The following TOP1MT variants were observed in gnomAD, a reference collection of about 807,000 sequenced individuals.
TOP1MT encodes the protein DNA topoisomerase I, mitochondrial.
Under a neutral mutation model 73.9 loss-of-function variants are expected in TOP1MT, and 80 were observed. That is an observed-to-expected ratio of 1.08 (90% CI 0.90 to 1.30). The LOEUF (loss-of-function observed/expected upper bound fraction) is 1.30. Ranked by LOEUF, TOP1MT falls within the 50% of genes most tolerant of loss-of-function variation. The probability of loss-of-function intolerance (pLI) is 0.00; values close to 1 mark genes in which losing one functional copy is unlikely to be tolerated. For synonymous variants in TOP1MT, 338 were observed against 326.4 expected (o/e 1.04, Z -0.38); for missense variants, 815 against 808.0 (o/e 1.01, Z -0.10).
chr8:143,316,407 C>T (rs1488944745), intron 10 of TOP1MT, among the ~76,000 whole-genome samples: 3 of 152,138 alleles, frequency 2.0e-5, no homozygotes, highest in Non-Finnish European at 2.9e-5. Context: ...GAGGCCCAGC[C>T]GCCTGGACGG....
At chr8:143,326,914 G>A (rs550305912) in intron 3 of TOP1MT, among the ~76,000 whole-genome samples, 5 of 152,304 alleles carry the variant, frequency 3.3e-5, no homozygotes, top group South Asian at 2.1e-4. Context: ...AGCATTTGAC[G>A]TCTATGGAGG....
At chr8:143,351,114 C>T (rs767177407) in intron 1 of TOP1MT, among the ~76,000 whole-genome samples, 1 of 152,218 alleles carries the variant, frequency 6.6e-6, no homozygotes, top group East Asian at 1.9e-4. Flanking sequence ...AACCCCTACC[C>T]CCGATGTCTC....
At chr8:143,320,942 C>T (rs1010949241) in intron 8 of TOP1MT, among the ~76,000 whole-genome samples, 2 of 152,290 alleles carry the variant, frequency 1.3e-5, no homozygotes, top group East Asian at 1.9e-4. Context: ...ATGCTCCGGC[C>T]GGGGGGCAGG....
chr8:143,339,938 A>G (rs1339339364), intron 2 of TOP1MT, among the ~76,000 whole-genome samples: 1 of 41,954 alleles, frequency 2.4e-5, no homozygotes, highest in Admixed American at 3.6e-4. Context: ...GCATTACCCC[A>G]CTCCCAGCAC....
chr8:143,338,163 T>A (rs1348216899), upstream of TOP1MT, among the ~76,000 whole-genome samples: 1 of 152,292 alleles, frequency 6.6e-6, no homozygotes, highest in South Asian at 2.1e-4. Context: ...TCCTAGCTAC[T>A]CAGGGGGCTG....
upstream of TOP1MT, among the ~76,000 whole-genome samples, chr8:143,349,542 C>T (rs997572217): frequency 2.6e-5 from 4 of 152,116 alleles, no homozygotes; most frequent in African/African-American, 7.2e-5. Context: ...GCATGCTCTT[C>T]GTTCTTGGGA....
rs1380093396 is a variant in TOP1MT at position 143,324,043 on chromosome 8, T to C, written c.916A>G (p.Met306Val). 13 of 1,613,746 alleles carry C rather than the reference T, an allele frequency of 8.1e-6. No individual in the cohort carries two copies. The highest frequency in any genetic ancestry group is 3.3e-5 in the Admixed American group (2 of 60,004). Residue 306 changes from methionine (M) to valine (V), a missense_variant, in exon 7 of 14, where the codon ATG becomes GTG. Coordinates refer to ENST00000329245, the MANE Select transcript of TOP1MT (RefSeq NM_052963.3). ...GCCACCGCCCGCTGTCTCGTCTTCA[T>C]TTCCCGAGACTTCCAGTCAGCCCGG... is the stretch of plus-strand genomic sequence containing the variant. ...QYRADWKSRE[M>V]KTRQRAVALY...
chr8:143,323,074 C>CAG (rs1816560104), intron 7 of TOP1MT, among the ~76,000 whole-genome samples: 2 of 135,838 alleles, frequency 1.5e-5, no homozygotes, highest in Non-Finnish European at 1.6e-5. Flanking sequence ...ACACCACACA[C>CAG]GCACGCCACA....
intron 3 of TOP1MT, chr8:143,327,176 A>G (rs928278470): frequency 6.6e-6 from 1 of 152,278 alleles, no homozygotes; most frequent in African/African-American, 2.4e-5. Context: ...TTTGACGATG[A>G]TCTACCCGTG....
chr8:143,314,826 G>T (rs28459442), intron 12 of TOP1MT, among the ~76,000 whole-genome samples: 52,818 of 151,910 alleles, frequency 0.35, 10,704 homozygotes, highest in African/African-American at 0.56. Context: ...TTAGTTGGTA[G>T]CAATTACTCT....
chr8:143,317,795 G>A lies in TOP1MT; in HGVS notation c.1258C>T (p.Leu420=). 1 of 1,614,200 alleles carries A rather than the reference G, an allele frequency of 6.2e-7. No homozygotes were observed. The highest frequency in any genetic ancestry group is 8.5e-7 in the Non-Finnish European group (1 of 1,180,032). ...TAGGTCCGGAACACCTTGGCCGTCA[G>A]CCCGTCCATCAGCTCCTGGAGGTGC... ...NKHLQELMDG[L]TAKVFRTYNA... Residue 420 remains leucine (L), a synonymous_variant, in exon 10 of 14, where the codon CTG becomes TTG. Transcript: ENST00000329245.
chr8:143,309,482 C>A lies in TOP1MT; in HGVS notation c.1765G>T (p.Ala589Ser). 17 of 1,613,988 alleles carry A rather than the reference C, an allele frequency of 1.1e-5. No individual in the cohort carries two copies. The highest frequency in any genetic ancestry group is 1.4e-5 in the Non-Finnish European group (17 of 1,180,030). The change falls in exon 14 of 14, where the codon GCC becomes TCC. Residue 589 changes from alanine (A) to serine (S), a missense_variant. Around this residue, in one of 3 missense-constraint regions of TOP1MT, gnomAD observed 751 missense variants for 725.4 expected, o/e 1.04. Coordinates refer to ENST00000329245, the MANE Select transcript of TOP1MT (RefSeq NM_052963.3). ...TCTCCTGCCATGGCGAGAGCCCAGG[C>A]GAACCTCTCCCGCTGTGTTTTGCTG... is the stretch of plus-strand genomic sequence containing the variant. ...IYSKTQRERF[A>S]WALAMAGEDF... is the part of the protein sequence containing the mutation.
intron 1 of TOP1MT, 50 bp downstream of exon 1, chr8:143,334,690 C>T (rs1563768180): frequency 6.3e-7 from 1 of 1,594,786 alleles, no homozygotes; most frequent in Non-Finnish European, 8.5e-7. Flanking sequence ...CTGGACCTAC[C>T]CAAGCCCGGT....
rs2293925 is a variant in TOP1MT, at chr8:143,310,198, G to A, written c.1573C>T (p.Arg525Trp). 709,668 of 1,579,896 alleles carry A rather than the reference G, an allele frequency of 0.45. 169,713 individuals are homozygous for A. Among genetic ancestry groups the A allele is most frequent in the East Asian group, 0.7 (30,908 of 44,030 alleles). ...KSRSVLEKKR[R>W]LLEKLQEQLA... Reference sequence around the variant, plus strand: ...TGCTCCTGCAGCTTCTCCAGGAGCCGCCTCTTCTTCTCCAGGACACTGGCA... The same window carrying A: ...TGCTCCTGCAGCTTCTCCAGGAGCCACCTCTTCTTCTCCAGGACACTGGCA... Residue 525 changes from arginine (R) to tryptophan (W), a missense_variant, in exon 13 of 14, where the codon CGG becomes TGG. Around this residue, in one of 3 missense-constraint regions of TOP1MT, gnomAD observed 751 missense variants for 725.4 expected, o/e 1.04. Coordinates refer to ENST00000329245, the MANE Select transcript of TOP1MT (RefSeq NM_052963.3).
chr8:143,358,609 C>G (rs559139146), upstream of TOP1MT: 2 of 152,416 alleles, frequency 1.3e-5, no homozygotes, highest in Admixed American at 1.3e-4. Flanking sequence ...CCACTGGCAA[C>G]TGCTTCAAAT....
upstream of TOP1MT, among the ~76,000 whole-genome samples, chr8:143,348,459 C>A (rs114798087): frequency 0.021 from 3,264 of 152,252 alleles, 127 homozygotes; most frequent in African/African-American, 0.075. The surrounding 1 kb of genome is among the most constrained non-coding windows in gnomAD (Gnocchi z 4.6). Flanking sequence ...ACAGACACCC[C>A]CCACCGACCT....
intron 10 of TOP1MT, 43 bp downstream of exon 10, chr8:143,317,680 C>T: frequency 7.0e-7 from 1 of 1,437,366 alleles, no homozygotes; most frequent in Non-Finnish European, 9.3e-7. Flanking sequence ...GGGGCAGGGG[C>T]CGTGCTCCCC....
upstream of TOP1MT, chr8:143,359,366 A>T: frequency 1.0e-6 from 1 of 985,466 alleles, no homozygotes; most frequent in African/African-American, 1.7e-5. Flanking sequence ...AACTCCGGGA[A>T]GAAAGGCCCT....
upstream of TOP1MT, among the ~76,000 whole-genome samples, chr8:143,346,953 CTTTA>C (rs61391831): frequency 0.099 from 14,008 of 140,816 alleles, 706 homozygotes; most frequent in East Asian, 0.12. Context: ...AGCCTCACTT[CTTTA>C]TTTATTTATT....
Sources: gnomAD v4.1 joint callset for allele counts (sites outside exome capture counted in the v4.1 genomes callset) on GRCh38, gnomAD v4.1.1 for gene constraint, gnomAD v4.1.1 regional missense constraint, Gnocchi (gnomAD v3.1) non-coding constraint, MANE v1.5 for transcripts, NCBI Gene and HGNC (gene_info 2026-07-23, HGNC 2026-07-21) for gene names.